The following LRRC4B variants were observed in gnomAD, a reference collection of about 807,000 sequenced individuals.
The protein encoded by LRRC4B is leucine rich repeat containing 4B.
Under a neutral mutation model 7.3 loss-of-function variants are expected in LRRC4B, and 1 was observed. The ratio of observed to expected loss-of-function variants is 0.14; its 90% confidence interval spans 0.05 to 0.65. LRRC4B has a LOEUF of 0.65. LRRC4B is among the 30% of genes least tolerant of loss of function. LRRC4B has a pLI of 0.84. For missense variants in LRRC4B, 730 were observed against 1,041.6 expected (o/e 0.70, Z 4.12); for synonymous variants, 500 against 499.2 (o/e 1.00, Z -0.02).
At chr19:50,530,935 G>C (rs998356225) in intron 2 of LRRC4B, among the ~76,000 whole-genome samples, 3 of 150,624 alleles carry the variant, frequency 2.0e-5, no homozygotes, top group Non-Finnish European at 1.5e-5. Flanking sequence ...ACCTGGGGGG[G>C]GGGGGTCTCT....
chr19:50,566,360 C>A (rs549007295), intron 1 of LRRC4B, among the ~76,000 whole-genome samples: 50 of 146,056 alleles, frequency 3.4e-4, no homozygotes, highest in African/African-American at 1.1e-3. Flanking sequence ...CAGCTCCCAG[C>A]TGGAGAGGGG....
intron 2 of LRRC4B, among the ~76,000 whole-genome samples, chr19:50,530,418 A>C (rs1479402087): frequency 6.6e-6 from 1 of 151,892 alleles, no homozygotes; most frequent in Non-Finnish European, 1.5e-5. Context: ...CGGGCACTCC[A>C]CCTTTGCACA....
At chr19:50,531,203 TC>T (rs1260115880) in intron 2 of LRRC4B, among the ~76,000 whole-genome samples, 1 of 152,142 alleles carries the variant, frequency 6.6e-6, no homozygotes, top group Non-Finnish European at 1.5e-5. Flanking sequence ...TCCTGCTGAC[TC>T]CCCCGGCAGC....
chr19:50,561,497 G>T (rs1426756643), intron 1 of LRRC4B, among the ~76,000 whole-genome samples: 1 of 152,220 alleles, frequency 6.6e-6, no homozygotes, highest in Non-Finnish European at 1.5e-5. Flanking sequence ...ACTTTGGGAG[G>T]CCAAGGCAAG....
intron 2 of LRRC4B, among the ~76,000 whole-genome samples, chr19:50,543,689 T>C (rs890291059): frequency 6.7e-5 from 10 of 149,562 alleles, no homozygotes; most frequent in African/African-American, 2.2e-4. Context: ...CCGTCTCTAC[T>C]AGGAAGTACA....
At chr19:50,567,242 T>A (rs899491353) in intron 1 of LRRC4B, among the ~76,000 whole-genome samples, 1 of 149,934 alleles carries the variant, frequency 6.7e-6, no homozygotes, top group Non-Finnish European at 1.5e-5. Flanking sequence ...CCCCAAAGCC[T>A]AGTGGGGTCA....
At chr19:50,545,167 G>C (rs889346945) in intron 2 of LRRC4B, among the ~76,000 whole-genome samples, 1 of 151,110 alleles carries the variant, frequency 6.6e-6, no homozygotes, top group Non-Finnish European at 1.5e-5. Context: ...TGGCACTTTG[G>C]GAGTCCGAGG....
rs1299215504 is a variant in LRRC4B, at chr19:50,556,323, CT to C, written c.-35-7451del. ...GTGACTTGCTTGGAGGGGGGCTGTC[CT>C]TTCCCGTGCAGCCACGCCGCTCTCC... is the stretch of plus-strand genomic sequence containing the variant. On this transcript the variant is annotated intron_variant, in intron 1 of 2. Coordinates refer to ENST00000652263, the MANE Select transcript of LRRC4B (RefSeq NM_001080457.2). This position sits in a 1 kb window ranked among gnomAD's most constrained non-coding sequence, Gnocchi z 4.2. 6.6e-6 allele frequency among the ~76,000 whole-genome samples: 1 copy of C among 151,932 alleles called. No individual in the cohort carries two copies. The highest frequency in any genetic ancestry group is 6.5e-5 in the Admixed American group (1 of 15,270).
intron 2 of LRRC4B, among the ~76,000 whole-genome samples, chr19:50,533,940 C>T (rs1473428718): frequency 6.6e-6 from 1 of 152,212 alleles, no homozygotes; most frequent in African/African-American, 2.4e-5. Flanking sequence ...ATGGGAGTCT[C>T]CACCACACCT....
chr19:50,519,135 T>C lies in LRRC4B; in HGVS notation c.578A>G (p.Lys193Arg), dbSNP rs1980439802. 1 of 1,612,648 alleles carries C rather than the reference T, an allele frequency of 6.2e-7. No individual in the cohort carries two copies. The highest frequency in any genetic ancestry group is 1.3e-5 in the African/African-American group (1 of 74,886). ...SLRRLDLGEL[K>R]RLEYISEAAF... ...CGCCTCCGAGATGTATTCCAGCCGC[T>C]TGAGCTCGCCCAGGTCCAGGCGCCG... Residue 193 changes from lysine (K) to arginine (R), a missense_variant, in exon 3 of 3, where the codon AAG (lysine) becomes AGG (arginine). Lys to Arg is a conservative substitution (Grantham distance 26). This residue lies in a region of LRRC4B where 226 missense variants were observed against 448.0 expected (regional missense o/e 0.50). Coordinates refer to ENST00000652263, the MANE Select transcript of LRRC4B (RefSeq NM_001080457.2). This position sits in a 1 kb window ranked among gnomAD's most constrained non-coding sequence, Gnocchi z 8.1.
Position 50,520,241 on chromosome 19 carries a change from A to G in LRRC4B, c.298-826T>C, listed in dbSNP as rs1482714505. On this transcript the variant is annotated intron_variant, in intron 2 of 2. Coordinates refer to ENST00000652263, the MANE Select transcript of LRRC4B (RefSeq NM_001080457.2). ...AAAAAAAAAAAAAAAAAAAAAAAAA[A>G]AAAAAAGAAGAAAAGAAAAGAAAAA... Among the ~76,000 whole-genome samples the G allele has an allele frequency of 2.8e-3, 176 of 62,128 alleles. 7 individuals are homozygous for G. Among genetic ancestry groups the G allele is most frequent in the Non-Finnish European group, 3.2e-3 (110 of 34,036 alleles). The allele number at this position is 62,128 out of a possible 152,430, so 40.8% of individuals were successfully genotyped here.
rs749106292 is a variant in LRRC4B, at chr19:50,518,471, G to A, written c.1242C>T (p.Ser414=). Residue 414 remains serine (S), a synonymous_variant, in exon 3 of 3, where the codon TCC becomes TCT. Transcript: ENST00000652263. ...AGTTAAGCGTGCCGTCATGCAGGAC[G>A]GAGATGCGCACGCGGTAGGAGCCGT... The part of the protein sequence containing the change: ...MTHGSYRVRI[S]VLHDGTLNFT... 2.0e-5 allele frequency: 31 copies of A among 1,556,024 alleles called. No individual in the cohort carries two copies. Among genetic ancestry groups the A allele is most frequent in the Non-Finnish European group, 2.4e-5 (28 of 1,150,632 alleles).
chr19:50,543,494 C>T (rs1408522738), intron 2 of LRRC4B, among the ~76,000 whole-genome samples: 2 of 151,992 alleles, frequency 1.3e-5, no homozygotes, highest in Non-Finnish European at 2.9e-5. Flanking sequence ...GGGCAGAGTC[C>T]AGAACATTAG....
chr19:50,543,572 C>G (rs1303746913), intron 2 of LRRC4B, among the ~76,000 whole-genome samples: 1 of 152,010 alleles, frequency 6.6e-6, no homozygotes, highest in Admixed American at 6.6e-5. Flanking sequence ...AATAAGGAGG[C>G]CGGGCGCGGT....
intron 1 of LRRC4B, among the ~76,000 whole-genome samples, chr19:50,561,048 A>C (rs184885499): frequency 5.9e-5 from 9 of 152,176 alleles, no homozygotes; most frequent in Admixed American, 4.6e-4. Context: ...CGAAGATAGC[A>C]CCACTGCACT....
rs1446541144 is a variant in LRRC4B at position 50,518,156 on chromosome 19, G to A, written c.1557C>T (p.Asp519=). 1.9e-6 allele frequency: 3 copies of A among 1,605,582 alleles called. No individual in the cohort carries two copies. The highest frequency in any genetic ancestry group is 2.2e-5 in the East Asian group (1 of 44,736). Residue 519 remains aspartate (D), a synonymous_variant, in exon 3 of 3, where the codon GAC becomes GAT. Transcript: ENST00000652263. ...CAGGCCGGCCCCCACCCCAGACACCGTCTGTCGTGGGCCCTGGCGGTTCCT... is the reference window on the plus strand; with the variant it reads ...CAGGCCGGCCCCCACCCCAGACACCATCTGTCGTGGGCCCTGGCGGTTCCT... ...TEKEPPGPTT[D]GVWGGGRPGD...
chr19:50,550,964 G>C (rs754587285), intron 1 of LRRC4B: 3 of 152,288 alleles, frequency 2.0e-5, no homozygotes, highest in African/African-American at 4.8e-5. Flanking sequence ...TTGAGGCCGG[G>C]GGACCCCGCA....
Position 50,518,495 on chromosome 19 carries a change from G to A in LRRC4B, c.1218C>T (p.His406=), listed in dbSNP as rs752514581. Residue 406 remains histidine, a synonymous_variant, in exon 3 of 3, where the codon CAC becomes CAT. Transcript: ENST00000652263. ...CGGAGATGCGCACGCGGTAGGAGCC[G>A]TGGGTCATGAGGGTGCCGTTGGGCG... ...WLTPNGTLMT[H]GSYRVRISVL... The A allele has an allele frequency of 4.5e-6, 7 of 1,561,190 alleles. No individual in the cohort carries two copies. The highest frequency in any genetic ancestry group is 5.2e-6 in the Non-Finnish European group (6 of 1,152,730).
intron 2 of LRRC4B, among the ~76,000 whole-genome samples, chr19:50,523,180 T>G (rs1016767526): frequency 6.6e-6 from 1 of 152,142 alleles, no homozygotes; most frequent in African/African-American, 2.4e-5. Flanking sequence ...CCACGCCGGG[T>G]GCACTGAGGC....
Sources: allele counts gnomAD v4.1 joint callset (sites outside exome capture counted in the v4.1 genomes callset), GRCh38; gene constraint gnomAD v4.1.1; regional missense constraint gnomAD v4.1.1; non-coding constraint Gnocchi (gnomAD v3.1); transcripts MANE v1.5; gene names NCBI Gene and HGNC (gene_info 2026-07-23, HGNC 2026-07-21).